The following VTI1A variants were observed in gnomAD, a reference collection of about 807,000 sequenced individuals.
VTI1A encodes the protein vesicle transport through interaction with t-SNAREs 1A.
VTI1A carries 22 observed loss-of-function variants against 34.9 expected under a neutral mutation model. The ratio of observed to expected loss-of-function variants is 0.63; its 90% CI spans 0.45 to 0.90. The LOEUF (loss-of-function observed/expected upper bound fraction) is 0.90. VTI1A is among the 40% of genes least tolerant of loss of function. The pLI, the probability that VTI1A is intolerant of heterozygous loss-of-function variation, is 0.00. For missense variants in VTI1A, 268 were observed against 275.6 expected, an observed-to-expected ratio of 0.97 and a Z score of 0.20; for synonymous variants, 87 against 97.3, an observed-to-expected ratio of 0.89 and a Z score of 0.62.
At chr10:112,638,735 A>ATT (rs11420607) in intron 5 of VTI1A, among the ~76,000 whole-genome samples, 169 of 139,854 alleles carry the variant, frequency 1.2e-3, no homozygotes, top group Middle Eastern at 3.8e-3. Context: ...TATTTCTTTA[A>ATT]TTTTTTTTTT....
At chr10:112,650,332 C>T (rs986250413) in intron 5 of VTI1A, among the ~76,000 whole-genome samples, 2 of 152,110 alleles carry the variant, frequency 1.3e-5, no homozygotes, top group South Asian at 2.1e-4. Flanking sequence ...GTCTTCTACC[C>T]GCACAACTTG....
chr10:112,508,312 CTT>C (rs1289724421), intron 3 of VTI1A, among the ~76,000 whole-genome samples: 1 of 152,164 alleles, frequency 6.6e-6, no homozygotes, highest in African/African-American at 2.4e-5. Flanking sequence ...GCTGAGCACT[CTT>C]TATTTTTCAT....
intron 7 of VTI1A, among the ~76,000 whole-genome samples, chr10:112,747,354 A>G (rs958770826): frequency 4.6e-5 from 7 of 152,224 alleles, no homozygotes; most frequent in African/African-American, 1.7e-4. Context: ...GTGTGCTTAC[A>G]CAAACCTAGA....
chr10:112,760,375 GTCTC>G (rs71035399), intron 7 of VTI1A, among the ~76,000 whole-genome samples: 4 of 151,438 alleles, frequency 2.6e-5, no homozygotes, highest in African/African-American at 9.7e-5. Flanking sequence ...GGTGAATATG[GTCTC>G]TCTCTCTCTC....
At chr10:112,707,088 A>T (rs1180650701) in intron 7 of VTI1A, among the ~76,000 whole-genome samples, 1 of 152,236 alleles carries the variant, frequency 6.6e-6, no homozygotes, top group Non-Finnish European at 1.5e-5. Flanking sequence ...AAAGGGTTAA[A>T]GAACAAACTA....
rs192238807 is a variant in VTI1A at position 112,586,242 on chromosome 10, C to T, written c.427+47912C>T. ...GCAGCCAAAAAAGCATTCAAGGAAG[C>T]TCTGTACTCCTCCTTGGTTGCTATT... is the stretch of plus-strand genomic sequence containing the variant. On this transcript the variant is annotated intron_variant, in intron 5 of 7. Coordinates refer to ENST00000393077, the MANE Select transcript of VTI1A (RefSeq NM_145206.4). Among the ~76,000 whole-genome samples, 12 of 151,984 alleles carry T rather than the reference C, an allele frequency of 7.9e-5. No homozygotes were observed. In the East Asian group the frequency reaches 2.3e-3, roughly 30 times the overall value.
chr10:112,786,510 C>A (rs1436617637), intron 7 of VTI1A, among the ~76,000 whole-genome samples: 2 of 152,138 alleles, frequency 1.3e-5, no homozygotes, highest in Non-Finnish European at 2.9e-5. Flanking sequence ...GACATTTTTG[C>A]CCTATCCCCA....
At chr10:112,782,107 A>G (rs1332259369) in intron 7 of VTI1A, among the ~76,000 whole-genome samples, 1 of 152,164 alleles carries the variant, frequency 6.6e-6, no homozygotes, top group Non-Finnish European at 1.5e-5. Context: ...TATTATGTAC[A>G]TGTGATTTTG....
chr10:112,545,218 G>T (rs143467099), intron 5 of VTI1A, among the ~76,000 whole-genome samples: 23 of 152,290 alleles, frequency 1.5e-4, no homozygotes, highest in Admixed American at 6.5e-4. Flanking sequence ...AACAATTGGC[G>T]TGTGTTTCCA....
intron 7 of VTI1A, among the ~76,000 whole-genome samples, chr10:112,746,756 C>T (rs914912990): frequency 6.6e-5 from 10 of 152,320 alleles, no homozygotes; most frequent in East Asian, 1.9e-4. Flanking sequence ...AGAAAGAAAA[C>T]TCAACATTGG....
At chr10:112,794,360 G>A (rs570373517) in intron 7 of VTI1A, among the ~76,000 whole-genome samples, 15 of 152,132 alleles carry the variant, frequency 9.9e-5, no homozygotes, top group African/African-American at 3.1e-4. Flanking sequence ...GTTCGAGACC[G>A]GCCTGGACAG....
chr10:112,648,023 G>A (rs1846871767), intron 5 of VTI1A, among the ~76,000 whole-genome samples: 5 of 152,198 alleles, frequency 3.3e-5, no homozygotes, highest in Admixed American at 3.3e-4. Flanking sequence ...GCCCGCCTCA[G>A]CCTCCCAAAG....
At chr10:112,777,635 T>C (rs1034898558) in intron 7 of VTI1A, among the ~76,000 whole-genome samples, 2 of 152,186 alleles carry the variant, frequency 1.3e-5, no homozygotes, top group African/African-American at 4.8e-5. Flanking sequence ...TTTAATTCCA[T>C]GCCTGACATT....
the VTI1A span, among the ~76,000 whole-genome samples, chr10:112,828,711 A>AT: frequency 1.3e-5 from 2 of 151,920 alleles, no homozygotes; most frequent in African/African-American, 4.8e-5. Context: ...GCCTAAAATT[A>AT]TTTTTTAACA....
In VTI1A at chr10:112,464,544, T is replaced by C. The variant is rs745935483; in HGVS notation, c.154-3T>C. The C allele has an allele frequency of 1.2e-6, 2 of 1,610,226 alleles. No homozygotes were observed. Among genetic ancestry groups the C allele is most frequent in the Non-Finnish European group, 1.7e-6 (2 of 1,177,664 alleles). ...AAATCACATTTTTCTTTCCCTCTTCTAGCTTGAACAGATGGATTTGGAAGT... is the reference window on the plus strand; with the variant it reads ...AAATCACATTTTTCTTTCCCTCTTCCAGCTTGAACAGATGGATTTGGAAGT... On this transcript the variant is annotated splice_region_variant and splice_polypyrimidine_tract_variant and intron_variant, in intron 2 of 7. Transcript: ENST00000393077.
intron 5 of VTI1A, among the ~76,000 whole-genome samples, chr10:112,667,707 C>T (rs1847694787): frequency 6.6e-6 from 1 of 152,106 alleles, no homozygotes; most frequent in Non-Finnish European, 1.5e-5. Context: ...AGAGCAAAAG[C>T]CTAGAGATAG....
intron 3 of VTI1A, among the ~76,000 whole-genome samples, chr10:112,518,581 CTCTCTCTCTATATATA>C (rs1329472060): frequency 1.2e-5 from 1 of 84,220 alleles, no homozygotes; most frequent in African/African-American, 5.5e-5. Context: ...CTCTCTCTCT[CTCTCTCTCTATATATA>C]TATATATATA....
At chr10:112,772,996 A>G (rs530431511) in intron 7 of VTI1A, among the ~76,000 whole-genome samples, 1 of 152,310 alleles carries the variant, frequency 6.6e-6, no homozygotes, top group East Asian at 1.9e-4. Context: ...AAAACTCACA[A>G]AGTGTGCCCA....
intron 5 of VTI1A, among the ~76,000 whole-genome samples, chr10:112,543,530 A>AT (rs964699164): frequency 2.0e-5 from 3 of 151,720 alleles, no homozygotes; most frequent in Admixed American, 6.6e-5. Flanking sequence ...GGGTTGTTTG[A>AT]TTTTTTTCTT....
Sources: gnomAD v4.1 joint callset for allele counts (sites outside exome capture counted in the v4.1 genomes callset) on GRCh38, gnomAD v4.1.1 for gene constraint, MANE v1.5 for transcripts, NCBI Gene and HGNC (gene_info 2026-07-23, HGNC 2026-07-21) for gene names.